The following RSRC1 variants were observed in gnomAD, a reference collection of about 807,000 sequenced individuals.
RSRC1 encodes serine/Arginine-related protein 53.
In RSRC1, 39 loss-of-function variants were observed where a neutral mutation model predicts 49.1. That is an observed-to-expected ratio of 0.79 (90% CI 0.61 to 1.04). The LOEUF is 1.04. Among genes scored for constraint, RSRC1 ranks in the 50% least tolerant of loss-of-function variants. The pLI is 0.00. For synonymous variants in RSRC1, 143 were observed against 130.8 expected, an observed-to-expected ratio of 1.09 and a Z score of -0.63; for missense variants, 388 against 402.4, an observed-to-expected ratio of 0.96 and a Z score of 0.31.
rs116547812 is a variant in RSRC1, at chr3:158,121,211, A to G, written c.-2-892A>G. Among the ~76,000 whole-genome samples the G allele has an allele frequency of 8.8e-3, 1,339 of 152,098 alleles. 18 individuals are homozygous for G. The highest frequency in any genetic ancestry group is 0.031 in the African/African-American group (1,279 of 41,538). On this transcript the variant is annotated intron_variant, in intron 1 of 9. Transcript: ENST00000611884. ...CCTTTAGAAAAATTTTTTCAGATGTATTTGTAGAAGTAGGATTTCTCTGTC... is the reference window on the plus strand; with the variant it reads ...CCTTTAGAAAAATTTTTTCAGATGTGTTTGTAGAAGTAGGATTTCTCTGTC...
At chr3:158,482,860 AT>A (rs1321856340) in intron 7 of RSRC1, among the ~76,000 whole-genome samples, 1 of 152,068 alleles carries the variant, frequency 6.6e-6, no homozygotes, top group Non-Finnish European at 1.5e-5. Context: ...CAAATCAGAT[AT>A]GAGATTAGAT....
chr3:158,356,896 TC>T (rs1293161071), intron 6 of RSRC1, among the ~76,000 whole-genome samples: 1 of 152,160 alleles, frequency 6.6e-6, no homozygotes, highest in African/African-American at 2.4e-5. Flanking sequence ...GATGTGATAC[TC>T]CAGACCTCAC....
At chr3:158,197,798 G>A (rs183932075) in intron 3 of RSRC1, among the ~76,000 whole-genome samples, 106 of 152,142 alleles carry the variant, frequency 7.0e-4, no homozygotes, top group East Asian at 3.9e-3. Flanking sequence ...GTAGTTGAGC[G>A]GTTTTGAGTG....
At chr3:158,312,026 T>C (rs1382809045) in intron 5 of RSRC1, among the ~76,000 whole-genome samples, 4 of 152,060 alleles carry the variant, frequency 2.6e-5, no homozygotes, top group African/African-American at 7.2e-5. Flanking sequence ...GAAAAGCAAG[T>C]GGACATGGTA....
At chr3:158,512,048 A>C (rs1289546503) in intron 7 of RSRC1, among the ~76,000 whole-genome samples, 3 of 140,862 alleles carry the variant, frequency 2.1e-5, no homozygotes, top group Non-Finnish European at 4.7e-5. Flanking sequence ...GGTTGCGAAA[A>C]TTTTCTCCCA....
intron 7 of RSRC1, among the ~76,000 whole-genome samples, chr3:158,505,711 A>G (rs966881162): frequency 6.6e-6 from 1 of 150,508 alleles, no homozygotes; most frequent in African/African-American, 2.5e-5. Flanking sequence ...AGACTTACAT[A>G]GGTTCAAGGA....
chr3:158,511,143 A>C (rs1740148104), intron 7 of RSRC1, among the ~76,000 whole-genome samples: 1 of 151,954 alleles, frequency 6.6e-6, no homozygotes, highest in East Asian at 1.9e-4. Flanking sequence ...TCTAGGGTAC[A>C]TGTGCACAAT....
intron 3 of RSRC1, among the ~76,000 whole-genome samples, chr3:158,147,007 C>A (rs1399906087): frequency 6.6e-6 from 1 of 151,736 alleles, no homozygotes; most frequent in East Asian, 1.9e-4. Context: ...AAGATTTTCC[C>A]CATGGCTGCT....
At chr3:158,431,604 A>G (rs1341595089) in intron 6 of RSRC1, among the ~76,000 whole-genome samples, 1 of 151,902 alleles carries the variant, frequency 6.6e-6, no homozygotes, top group African/African-American at 2.4e-5. Context: ...AATTGGTCCT[A>G]TATTAAATCC....
At chr3:158,388,393 A>G (rs1170328242) in intron 6 of RSRC1, among the ~76,000 whole-genome samples, 2 of 152,080 alleles carry the variant, frequency 1.3e-5, no homozygotes, top group Non-Finnish European at 2.9e-5. Context: ...ATCACCCTTT[A>G]CATTATTTCA....
At chr3:158,175,422 A>G (rs750564941) in intron 3 of RSRC1, among the ~76,000 whole-genome samples, 10 of 152,052 alleles carry the variant, frequency 6.6e-5, no homozygotes, top group African/African-American at 1.9e-4. Flanking sequence ...TAGAAACTCT[A>G]TCATTGTATC....
intron 4 of RSRC1, among the ~76,000 whole-genome samples, chr3:158,294,285 C>A (rs531128191): frequency 6.6e-6 from 1 of 152,020 alleles, no homozygotes; most frequent in South Asian, 2.1e-4. Context: ...CTGTCTGTAT[C>A]TATTGTATTT....
chr3:158,478,520 C>G (rs556473440), intron 7 of RSRC1, among the ~76,000 whole-genome samples: 2 of 150,112 alleles, frequency 1.3e-5, no homozygotes, highest in South Asian at 2.2e-4. Flanking sequence ...TTCCTCTCCC[C>G]CCAAATTAAG....
intron 4 of RSRC1, among the ~76,000 whole-genome samples, chr3:158,210,340 T>C (rs1721600988): frequency 6.6e-6 from 1 of 152,068 alleles, no homozygotes; most frequent in Non-Finnish European, 1.5e-5. Flanking sequence ...TAACATGTCT[T>C]CATGCAAAAT....
chr3:158,305,129 A>G (rs541857271), intron 5 of RSRC1, among the ~76,000 whole-genome samples: 1 of 152,196 alleles, frequency 6.6e-6, no homozygotes, highest in South Asian at 2.1e-4. Flanking sequence ...TTCAAATAGC[A>G]TGAACTTGGG....
At chr3:158,405,763 G>A (rs1734131916) in intron 6 of RSRC1, among the ~76,000 whole-genome samples, 1 of 152,146 alleles carries the variant, frequency 6.6e-6, no homozygotes, top group Non-Finnish European at 1.5e-5. Flanking sequence ...GGACTGAATA[G>A]GAAGAAATGT....
At chr3:158,250,785 A>G (rs1469554616) in intron 4 of RSRC1, among the ~76,000 whole-genome samples, 1 of 151,932 alleles carries the variant, frequency 6.6e-6, no homozygotes. Context: ...AATCTTTGGG[A>G]TGTCTCTTTA....
intron 4 of RSRC1, among the ~76,000 whole-genome samples, chr3:158,281,888 A>G (rs1029183267): frequency 7.9e-5 from 12 of 152,210 alleles, no homozygotes; most frequent in Non-Finnish European, 1.6e-4. Context: ...AAGGAAGCCT[A>G]TGAGTAACAT....
chr3:158,298,526 T>C (rs1051727890), intron 5 of RSRC1, among the ~76,000 whole-genome samples: 1 of 152,096 alleles, frequency 6.6e-6, no homozygotes. Flanking sequence ...GAATAATGCA[T>C]TGGTTTAAAC....
Sources: gnomAD v4.1 joint callset for allele counts (sites outside exome capture counted in the v4.1 genomes callset) on GRCh38, gnomAD v4.1.1 for gene constraint, MANE v1.5 for transcripts, NCBI Gene and HGNC (gene_info 2026-07-23, HGNC 2026-07-21) for gene names.